PKD1: variants seen among roughly 807,000 people sequenced by gnomAD.
PKD1 encodes the protein polycystin 1, transient receptor potential channel interacting.
In PKD1, 81 loss-of-function variants were observed where a neutral mutation model predicts 361.7. The ratio of observed to expected loss-of-function variants is 0.22; its 90% CI spans 0.19 to 0.27. The LOEUF is 0.27. Ranked by LOEUF, PKD1 falls within the 10% of genes least tolerant of loss-of-function variation. PKD1 has a pLI of 1.00. For missense variants in PKD1, 6,399 were observed against 6,118.3 expected (o/e 1.05, Z -1.53); for synonymous variants, 3,615 against 2,818.3 (o/e 1.28, Z -8.95).
intron 1 of PKD1, among the ~76,000 whole-genome samples, chr16:2,124,966 C>T (rs2092775711): frequency 6.6e-6 from 1 of 152,198 alleles, no homozygotes; most frequent in African/African-American, 2.4e-5. Context: ...CCAGGCCCGT[C>T]CCTCCCGAGA....
chr16:2,090,371 G>A lies in PKD1; in HGVS notation c.12358C>T (p.Pro4120Ser), dbSNP rs1407559694. ...YHALRGELYRPAWEPQDYEMV... is the reference protein window; with the variant it reads ...YHALRGELYRSAWEPQDYEMV... ...TCGTAGTCCTGGGGCTCCCAGGCCGGCCGGTACAGCTCTCCACGCAAGGCG... is the reference window on the plus strand; with the variant it reads ...TCGTAGTCCTGGGGCTCCCAGGCCGACCGGTACAGCTCTCCACGCAAGGCG... The change falls in exon 45 of 46, where the codon CCG (proline) becomes TCG (serine). Residue 4120 changes from proline (P) to serine (S), a missense_variant. By Grantham distance (74) the Pro-to-Ser change is moderately conservative (BLOSUM62 -1). Transcript: ENST00000262304. The A allele has an allele frequency of 1.2e-6, 2 of 1,612,558 alleles. No homozygotes were observed. The highest frequency in any genetic ancestry group is 2.7e-5 in the African/African-American group (2 of 74,928).
rs1310936942 is a variant in PKD1, at chr16:2,108,912, G to A, written c.6255C>T (p.Pro2085=). 5 of 1,588,746 alleles carry A rather than the reference G, an allele frequency of 3.1e-6. No homozygotes were observed. The highest frequency in any genetic ancestry group is 4.6e-5 in the East Asian group (2 of 43,248). Residue 2085 remains proline, a synonymous_variant, in exon 15 of 46, where the codon CCC becomes CCT. Coordinates refer to ENST00000262304, the MANE Select transcript of PKD1 (RefSeq NM_001009944.3). The part of the protein sequence containing the change: ...RSAQFEAATS[P]SPRRVAYHWD... Reference sequence around the variant, plus strand: ...AGTGGTAGGCCACACGCCGGGGGCTGGGGCTGGTGGCGGCCTCAAACTGCG... The same window carrying A: ...AGTGGTAGGCCACACGCCGGGGGCTAGGGCTGGTGGCGGCCTCAAACTGCG...
chr16:2,112,617 C>T (rs1262917085), intron 13 of PKD1, 144 bp from the exon 14 acceptor site: 1 of 979,822 alleles, frequency 1.0e-6, no homozygotes, highest in Admixed American at 2.0e-5. Flanking sequence ...GTGCTGAGGC[C>T]TCTCCCGGCT....
intron 8 of PKD1, 69 bp downstream of exon 8, chr16:2,116,460 T>A (rs1427925349): frequency 1.8e-5 from 15 of 851,288 alleles, no homozygotes; most frequent in Non-Finnish European, 2.7e-5. Context: ...AGACCCACAG[T>A]GGGCAGGGCA....
rs764194653 is a variant in PKD1 at position 2,117,591 on chromosome 16, G to A, written c.1283C>T (p.Ala428Val). The change falls in exon 6 of 46, where the codon GCC becomes GTC. Residue 428 changes from alanine to valine, a missense_variant. Ala to Val is a moderately conservative substitution (Grantham distance 64). Transcript: ENST00000262304. ...HCYRLVVEKA[A>V]WLQAQEQCQA... Reference sequence around the variant, plus strand: ...ACACTGCTCCTGCGCCTGCAGCCAGGCCGCCTTCTCCACCACCAGGCGGTA... The same window carrying A: ...ACACTGCTCCTGCGCCTGCAGCCAGACCGCCTTCTCCACCACCAGGCGGTA... 1.7e-5 allele frequency: 28 copies of A among 1,609,224 alleles called. No homozygotes were observed. The highest frequency in any genetic ancestry group is 1.1e-5 in the South Asian group (1 of 90,820).
chr16:2,093,127 C>T, intron 37 of PKD1, 34 bp from the exon 38 acceptor site: 1 of 1,610,696 alleles, frequency 6.2e-7, no homozygotes, highest in Non-Finnish European at 8.5e-7. Context: ...GTCAGCCTGG[C>T]CCCAGCCCAC....
At position 2,111,638 on chromosome 16, in the gene PKD1, C is replaced by G; in HGVS notation, c.3529G>C (p.Ala1177Pro). Residue 1177 changes from alanine to proline, a missense_variant, in exon 15 of 46, where the codon GCC becomes CCC. Transcript: ENST00000262304. ...SPVLTQSQPA[A>P]NHTYASRGTY... ...CCCCTCGAGGCATAGGTGTGGTTGG[C>G]AGCCGGCTGGCTCTGGGTCAGGACA... 1 of 1,573,894 alleles carries G rather than the reference C, an allele frequency of 6.4e-7. No homozygotes were observed.
At chr16:2,115,232 T>G in intron 10 of PKD1, 146 bp downstream of exon 10, 1 of 1,059,414 alleles carries the variant, frequency 9.4e-7, no homozygotes, top group Non-Finnish European at 1.4e-6. Context: ...CCGAGGGCAC[T>G]GCAGAGGTCG....
In PKD1 at chr16:2,098,182, A is replaced by G. The variant is rs551445520; in HGVS notation, c.10051-198T>C. 7.5e-3 allele frequency: 4,533 copies of G among 601,104 alleles called. 30 individuals carry two copies. Among genetic ancestry groups the G allele is most frequent in the Non-Finnish European group, 9.6e-3 (3,234 of 335,972 alleles). The allele number at this position is 601,104 out of a possible 1,614,324, so 37.2% of individuals were successfully genotyped here. A position where few individuals can be genotyped will look rare whatever the true frequency, so the allele number is the denominator to read the frequency against. ...TGTGCCACTGAACACTTGACAGCAGACTGGTGCAGCTAAGGAACAGAGTTT... is the reference window on the plus strand; with the variant it reads ...TGTGCCACTGAACACTTGACAGCAGGCTGGTGCAGCTAAGGAACAGAGTTT... On this transcript the variant is annotated intron_variant, in intron 30 of 45. Coordinates refer to ENST00000262304, the MANE Select transcript of PKD1 (RefSeq NM_001009944.3).
intron 1 of PKD1, among the ~76,000 whole-genome samples, chr16:2,132,366 G>C (rs1385680519): frequency 6.6e-6 from 1 of 151,482 alleles, no homozygotes; most frequent in Non-Finnish European, 1.5e-5. Flanking sequence ...TCAGGAGATC[G>C]AGACCATCCT....
chr16:2,090,508 A>G lies in PKD1; in HGVS notation c.12221T>C (p.Leu4074Pro), dbSNP rs1555444735. The G allele has an allele frequency of 4.3e-6, 7 of 1,611,302 alleles. No individual in the cohort carries two copies. The highest frequency in any genetic ancestry group is 5.9e-6 in the Non-Finnish European group (7 of 1,179,470). The change falls in exon 45 of 46, where the codon CTG (leucine) becomes CCG (proline). Residue 4074 changes from leucine to proline, a missense_variant. By Grantham distance (98) the Leu-to-Pro change is moderately conservative. Transcript: ENST00000262304. Reference sequence around the variant, plus strand: ...CAGGTGCCAGGACTCGGCAGGACACAGGGTAGAGAGCCCAGTCCCAGGGCA... The same window carrying G: ...CAGGTGCCAGGACTCGGCAGGACACGGGGTAGAGAGCCCAGTCCCAGGGCA... ...VLCPGTGLST[L>P]CPAESWHLSP... is the part of the protein sequence containing the mutation.
intron 1 of PKD1, among the ~76,000 whole-genome samples, chr16:2,126,078 G>A (rs1213034499): frequency 1.3e-5 from 2 of 152,168 alleles, no homozygotes; most frequent in Admixed American, 6.5e-5. Context: ...GAGGGCAGCA[G>A]CACAGATCCA....
chr16:2,116,717 G>A (rs1230720934), intron 7 of PKD1, 73 bp from the exon 8 acceptor site: 10 of 1,209,872 alleles, frequency 8.3e-6, no homozygotes, highest in Non-Finnish European at 1.2e-5. Context: ...TGGGGACCGA[G>A]CCGCCCGAAA....
In PKD1 at chr16:2,110,440, C is replaced by T. The variant is rs1183120274; in HGVS notation, c.4727G>A (p.Ser1576Asn). The T allele has an allele frequency of 6.2e-7, 1 of 1,612,602 alleles. No homozygotes were observed. The highest frequency in any genetic ancestry group is 1.7e-5 in the Admixed American group (1 of 60,022). ...VSFSTSLEAG[S>N]DVRYSWVLCD... ...GAGCACCCAGGAATAGCGCACATCACTGCCGGCCTCCAGCGACGTGCTGAA... is the reference window on the plus strand; with the variant it reads ...GAGCACCCAGGAATAGCGCACATCATTGCCGGCCTCCAGCGACGTGCTGAA... Residue 1576 changes from serine to asparagine, a missense_variant, in exon 15 of 46, where the codon AGT becomes AAT. Coordinates refer to ENST00000262304, the MANE Select transcript of PKD1 (RefSeq NM_001009944.3).
chr16:2,126,846 G>A (rs1401150692), intron 1 of PKD1, among the ~76,000 whole-genome samples: 1 of 152,224 alleles, frequency 6.6e-6, no homozygotes, highest in Non-Finnish European at 1.5e-5. Flanking sequence ...CAAGGTGGGG[G>A]AGCGAGGGCA....
In PKD1 at chr16:2,091,007, G is replaced by A. The variant is rs754037517; in HGVS notation, c.11880C>T (p.Asp3960=). Residue 3960 remains aspartate (D), a synonymous_variant, in exon 43 of 46, where the codon GAC becomes GAT. Transcript: ENST00000262304. ...LVRLAQLGAA[D]RQWTRFVRGR... ...CGCGCACGAAACGGGTCCACTGGCG[G>A]TCAGCGGCACCCAGCTGGGCGAGGC... is the stretch of plus-strand genomic sequence containing the variant. 3 of 1,533,968 alleles carry A rather than the reference G, an allele frequency of 2.0e-6. No individual in the cohort carries two copies. Among genetic ancestry groups the A allele is most frequent in the Admixed American group, 2.0e-5 (1 of 50,942 alleles).
chr16:2,099,831 A>G lies in PKD1; in HGVS notation c.9923+30T>C, dbSNP rs1344224476. 8.3e-6 allele frequency: 13 copies of G among 1,558,398 alleles called. No homozygotes were observed. The Admixed American group carries it at 2.3e-4, about 28-fold the overall frequency. On this transcript the variant is annotated intron_variant, in intron 29 of 45. Transcript: ENST00000262304. The stretch of plus-strand genomic sequence containing the variant: ...GAGGGGCAGGAAGGGCTGGGCAGGA[A>G]GAGGCTGCCCCGACCCCTACGGCAC...
chr16:2,123,011 G>A (rs969506048), intron 1 of PKD1, among the ~76,000 whole-genome samples: 4 of 152,196 alleles, frequency 2.6e-5, no homozygotes, highest in Non-Finnish European at 4.4e-5. Context: ...GCTGGGAGCT[G>A]ACAAGCCAGG....
At position 2,090,017 on chromosome 16, in the gene PKD1, A is replaced by G; in HGVS notation, c.12622T>C (p.Cys4208Arg). ...SVSLGRLGTR[C>R]EPEPSRLQAV... ...TGGAGGCGGGAGGGCTCAGGCTCAC[A>G]CCTTGTCCCCAGCCGGCCCAGGCTC... is the stretch of plus-strand genomic sequence containing the variant. The change falls in exon 46 of 46, where the codon TGT becomes CGT. Residue 4208 changes from cysteine (C) to arginine (R), a missense_variant. Cys to Arg is a radical substitution (Grantham distance 180). Transcript: ENST00000262304. 6.2e-7 allele frequency: 1 copy of G among 1,610,234 alleles called. No homozygotes were observed. Among genetic ancestry groups the G allele is most frequent in the Non-Finnish European group, 8.5e-7 (1 of 1,179,010 alleles).
Sources: allele counts gnomAD v4.1 joint callset (sites outside exome capture counted in the v4.1 genomes callset), GRCh38; gene constraint gnomAD v4.1.1; transcripts MANE v1.5; gene names NCBI Gene and HGNC (gene_info 2026-07-23, HGNC 2026-07-21).